RABEP2: variants seen among roughly 807,000 people sequenced by gnomAD.
RABEP2 encodes rab GTPase-binding effector protein 2.
RABEP2 carries 57 observed loss-of-function variants against 74.1 expected under a neutral mutation model. The ratio of observed to expected loss-of-function variants is 0.77; its 90% CI spans 0.62 to 0.96. The LOEUF is 0.96. Among genes scored for constraint, RABEP2 ranks in the 40% least tolerant of loss-of-function variants. RABEP2 has a pLI of 0.00. For missense variants in RABEP2, 692 were observed against 756.3 expected (o/e 0.91, Z 1.00); for synonymous variants, 351 against 344.0 (o/e 1.02, Z -0.23).
intron 2 of RABEP2, among the ~76,000 whole-genome samples, chr16:28,920,867 G>GTTTTTTTTTTTTTT: frequency 6.8e-6 from 1 of 146,234 alleles, no homozygotes; most frequent in Non-Finnish European, 1.5e-5. Context: ...ACAGGCCTCT[G>GTTTTTTTTTTTTTT]TTTTTTTAAT....
chr16:28,921,793 T>C (rs1964471244), intron 2 of RABEP2, among the ~76,000 whole-genome samples: 1 of 151,176 alleles, frequency 6.6e-6, no homozygotes, highest in Admixed American at 6.6e-5. Flanking sequence ...AGTGAAACCT[T>C]GTCTCTACTG....
intron 2 of RABEP2, among the ~76,000 whole-genome samples, chr16:28,922,358 G>A (rs1407097769): frequency 5.9e-5 from 9 of 151,976 alleles, no homozygotes; most frequent in Non-Finnish European, 1.2e-4. Flanking sequence ...AGGCCGAGGT[G>A]GGCGGATCAC....
chr16:28,922,307 C>A (rs1464189731), intron 2 of RABEP2, among the ~76,000 whole-genome samples: 1 of 152,182 alleles, frequency 6.6e-6, no homozygotes, highest in Non-Finnish European at 1.5e-5. Context: ...TTCAGCTGGG[C>A]CGGGCGTGCT....
chr16:28,923,406 G>A (rs1361238514), intron 2 of RABEP2, among the ~76,000 whole-genome samples: 1 of 150,938 alleles, frequency 6.6e-6, no homozygotes, highest in African/African-American at 2.4e-5. Context: ...GGGCGACAGA[G>A]TGAAACTCTT....
intron 12 of RABEP2, 25 bp downstream of exon 12, chr16:28,905,372 C>G: frequency 6.4e-6 from 10 of 1,569,672 alleles, no homozygotes; most frequent in Non-Finnish European, 8.7e-6. Context: ...GCCAGCCAGC[C>G]TGGCGGGGCT....
At chr16:28,922,314 T>A (rs1213745110) in intron 2 of RABEP2, among the ~76,000 whole-genome samples, 1 of 152,192 alleles carries the variant, frequency 6.6e-6, no homozygotes, top group Non-Finnish European at 1.5e-5. Flanking sequence ...GGGCCGGGCG[T>A]GCTGGCTCAC....
intron 3 of RABEP2, among the ~76,000 whole-genome samples, chr16:28,918,564 G>A (rs1318563719): frequency 2.6e-5 from 4 of 151,782 alleles, no homozygotes; most frequent in East Asian, 2.0e-4. Flanking sequence ...GCAGTGAGTC[G>A]AGATTGCGCC....
chr16:28,911,749 C>A (rs1160862512), intron 5 of RABEP2, among the ~76,000 whole-genome samples: 1 of 150,208 alleles, frequency 6.7e-6, no homozygotes, highest in Non-Finnish European at 1.5e-5. Flanking sequence ...GAGTTCAAGA[C>A]CAGCCTGACC....
intron 3 of RABEP2, among the ~76,000 whole-genome samples, chr16:28,918,782 G>T (rs1314111058): frequency 2.0e-5 from 3 of 152,042 alleles, no homozygotes; most frequent in Non-Finnish European, 4.4e-5. Flanking sequence ...CTCTTGAGTA[G>T]CTGGGACTAC....
At chr16:28,911,640 T>C (rs958297073) in intron 5 of RABEP2, among the ~76,000 whole-genome samples, 3 of 135,882 alleles carry the variant, frequency 2.2e-5, no homozygotes, top group Non-Finnish European at 4.6e-5. Flanking sequence ...TGAGTGAGAT[T>C]CCGTCTCAAA....
At chr16:28,922,948 G>A (rs1424861514) in intron 2 of RABEP2, among the ~76,000 whole-genome samples, 1 of 152,032 alleles carries the variant, frequency 6.6e-6, no homozygotes. Context: ...ACCTTTGGCT[G>A]TTTTCCAGCT....
chr16:28,907,140 T>C (rs999151556), intron 8 of RABEP2, among the ~76,000 whole-genome samples: 2 of 143,618 alleles, frequency 1.4e-5, no homozygotes, highest in African/African-American at 5.2e-5. Flanking sequence ...CCCATGGATC[T>C]TTTTTTTTGT....
Position 28,924,408 on chromosome 16 carries a change from A to G in RABEP2, c.269T>C (p.Leu90Pro), listed in dbSNP as rs775201977. 4 of 1,611,976 alleles carry G rather than the reference A, an allele frequency of 2.5e-6. No individual in the cohort carries two copies. The highest frequency in any genetic ancestry group is 3.4e-6 in the Non-Finnish European group (4 of 1,179,880). The stretch of plus-strand genomic sequence containing the variant: ...AGGTGAGTCCCGCGTCTCACCTTTC[A>G]GGATGGCCTGCAGCGAGGCCACCTC... ...QEEVASLQAI[L>P]KDSISSYEAQ... The change falls in exon 2 of 13, where the codon CTG (leucine) becomes CCG (proline). Residue 90 changes from leucine (L) to proline (P), a missense_variant. Transcript: ENST00000358201.
chr16:28,922,369 A>G (rs1362602198), intron 2 of RABEP2, among the ~76,000 whole-genome samples: 9 of 151,794 alleles, frequency 5.9e-5, no homozygotes, highest in Non-Finnish European at 1.2e-4. Flanking sequence ...GGCGGATCAC[A>G]AGGTCAGGAG....
chr16:28,919,866 TCTC>T lies in RABEP2; in HGVS notation c.349_351del (p.Glu117del). 1.2e-6 allele frequency: 2 copies of T among 1,611,336 alleles called. No individual in the cohort carries two copies. The highest frequency in any genetic ancestry group is 1.7e-6 in the Non-Finnish European group (2 of 1,178,676). The stretch of plus-strand genomic sequence containing the variant: ...TTCAGGCGGCCCAGCTCCCGCTCCT[TCTC>T]CTCACAGTCCTGCTGCTGCTGCTGT... On this transcript the variant is annotated inframe_deletion, in exon 3 of 13. Coordinates refer to ENST00000358201, the MANE Select transcript of RABEP2 (RefSeq NM_024816.3).
intron 11 of RABEP2, 73 bp from the exon 12 acceptor site, chr16:28,905,586 G>C: frequency 6.4e-7 from 1 of 1,552,658 alleles, no homozygotes; most frequent in South Asian, 1.1e-5. Context: ...ATGGCCAGCC[G>C]TTGCCCCAGG....
At position 28,914,502 on chromosome 16, in the gene RABEP2, G is replaced by A. The variant is rs1964359928; in HGVS notation, c.628C>T (p.Leu210=). 2 of 1,613,156 alleles carry A rather than the reference G, an allele frequency of 1.2e-6. No homozygotes were observed. The highest frequency in any genetic ancestry group is 1.7e-6 in the Non-Finnish European group (2 of 1,179,774). Residue 210 remains leucine, a synonymous_variant, in exon 5 of 13, where the codon CTG becomes TTG. Transcript: ENST00000358201. ...SRDPSPPLEP[L]EELSGDGGPA... ...CCCCCATCTCCGCTCAGCTCCTCCA[G>A]AGGCTCCAGCGGGGGCGATGGATCC...
chr16:28,922,540 T>A (rs1964480835), intron 2 of RABEP2, among the ~76,000 whole-genome samples: 1 of 151,586 alleles, frequency 6.6e-6, no homozygotes. Flanking sequence ...GCTAACACAG[T>A]GAAACCCCGT....
intron 11 of RABEP2, 73 bp from the exon 12 acceptor site, chr16:28,905,586 G>A (rs957174139): frequency 1.2e-5 from 18 of 1,552,554 alleles, no homozygotes; most frequent in African/African-American, 1.4e-5. Context: ...ATGGCCAGCC[G>A]TTGCCCCAGG....
Sources: allele counts gnomAD v4.1 joint callset (sites outside exome capture counted in the v4.1 genomes callset), GRCh38; gene constraint gnomAD v4.1.1; transcripts MANE v1.5; gene names NCBI Gene and HGNC (gene_info 2026-07-23, HGNC 2026-07-21).